The following GABRA2 variants were observed in gnomAD, a reference collection of about 807,000 sequenced individuals.
The protein encoded by GABRA2 is gamma-aminobutyric acid type A receptor subunit alpha2.
In GABRA2, 16 loss-of-function variants were observed where a neutral mutation model predicts 48.7. The ratio of observed to expected loss-of-function variants is 0.33; its 90% CI spans 0.22 to 0.50. The LOEUF is 0.50. GABRA2 is among the 20% of genes least tolerant of loss of function. The pLI is 0.98. For missense variants in GABRA2, 275 were observed against 535.6 expected (o/e 0.51, Z 4.80); for synonymous variants, 185 against 184.5 (o/e 1.00, Z -0.02).
Position 46,246,956 on chromosome 4 carries a change from A to C in GABRA2, c.*3352T>G, listed in dbSNP as rs955371107. On this transcript the variant is annotated 3_prime_UTR_variant, in exon 10 of 10. Transcript: ENST00000381620. ...CTGGAATCCATGATTATATCATGGC[A>C]GGGTTTGTGTCCCTCAACCAGGAAT... Among the ~76,000 whole-genome samples the C allele has an allele frequency of 1.7e-4, 26 of 151,192 alleles. No homozygotes were observed. The highest frequency in any genetic ancestry group is 5.8e-4 in the African/African-American group (24 of 41,334).
intron 4 of GABRA2, among the ~76,000 whole-genome samples, chr4:46,318,622 A>C (rs2109735560): frequency 6.6e-6 from 1 of 151,860 alleles, no homozygotes; most frequent in East Asian, 1.9e-4. Flanking sequence ...GTGTTTTATA[A>C]GAAATTTACC....
Position 46,247,936 on chromosome 4 carries a change from T to C in GABRA2, c.*2372A>G, listed in dbSNP as rs540820704. On this transcript the variant is annotated 3_prime_UTR_variant, in exon 10 of 10. Transcript: ENST00000381620. ...TTCTGATCCCTAGCACTGAAAAATC[T>C]GAACTGCCAGAATGTCATTGCACTC... Among the ~76,000 whole-genome samples the C allele has an allele frequency of 2.8e-4, 42 of 151,336 alleles. 1 individual carries two copies. The highest frequency in any genetic ancestry group is 9.6e-4 in the African/African-American group (40 of 41,466).
At chr4:46,252,208 C>T (rs1480034332) in intron 9 of GABRA2, among the ~76,000 whole-genome samples, 4 of 151,462 alleles carry the variant, frequency 2.6e-5, no homozygotes, top group Non-Finnish European at 5.9e-5. Flanking sequence ...CCCCTGCTGA[C>T]ATTCTTCCAG....
intron 8 of GABRA2, among the ~76,000 whole-genome samples, chr4:46,299,554 A>G (rs557171598): frequency 3.3e-5 from 5 of 152,012 alleles, no homozygotes; most frequent in African/African-American, 1.2e-4. Context: ...TAAAAAGCAT[A>G]TTTCCAAGAT....
At chr4:46,297,135 G>C (rs73131384) in intron 8 of GABRA2, among the ~76,000 whole-genome samples, 12,661 of 152,064 alleles carry the variant, frequency 0.083, 1,733 homozygotes, top group African/African-American at 0.29. Flanking sequence ...AGGATGCAAA[G>C]TATTGATCCT....
chr4:46,284,896 CAGG>C (rs950037528), intron 8 of GABRA2, among the ~76,000 whole-genome samples: 2 of 151,646 alleles, frequency 1.3e-5, no homozygotes, highest in African/African-American at 4.8e-5. Context: ...AGGGGAAGTG[CAGG>C]AGATTTAATT....
In GABRA2 at chr4:46,246,102, A is replaced by G. The variant is rs1355359569; in HGVS notation, c.*4206T>C. On this transcript the variant is annotated 3_prime_UTR_variant, in exon 10 of 10. Transcript: ENST00000381620. ...CTTTAGTATTTTAGTTATGATGCTT[A>G]CTATGATAGAATAACGACTCTTAAA... 1.3e-5 allele frequency among the ~76,000 whole-genome samples: 2 copies of G among 151,072 alleles called. No individual in the cohort carries two copies. Among genetic ancestry groups the G allele is most frequent in the African/African-American group, 4.8e-5 (2 of 41,344 alleles).
chr4:46,339,089 T>C (rs17537359), intron 3 of GABRA2, among the ~76,000 whole-genome samples: 4,932 of 151,970 alleles, frequency 0.032, 124 homozygotes, highest in Non-Finnish European at 0.054. Flanking sequence ...CATTCTGTCT[T>C]AAACTACAAC....
chr4:46,387,176 T>C (rs1476708471), intron 2 of GABRA2, among the ~76,000 whole-genome samples: 1 of 152,108 alleles, frequency 6.6e-6, no homozygotes, highest in Admixed American at 6.6e-5. Flanking sequence ...TAGAATACAA[T>C]ACTGGCATAA....
chr4:46,322,650 A>G (rs1729654697), intron 4 of GABRA2, among the ~76,000 whole-genome samples: 1 of 152,034 alleles, frequency 6.6e-6, no homozygotes, highest in South Asian at 2.1e-4. Flanking sequence ...CACCTTCTTC[A>G]ATGCTGTGTC....
At chr4:46,291,776 C>CACATATATATAT (rs1553906974) in intron 8 of GABRA2, among the ~76,000 whole-genome samples, 31 of 144,752 alleles carry the variant, frequency 2.1e-4, no homozygotes, top group Admixed American at 7.7e-4. Context: ...TAAACACACA[C>CACATATATATAT]ATATATATAT....
At chr4:46,365,334 G>A (rs1461993113) in intron 3 of GABRA2, 3 of 152,026 alleles carry the variant, frequency 2.0e-5, no homozygotes, top group African/African-American at 7.2e-5. Flanking sequence ...TCTACTTAAA[G>A]GGCATCCCAC....
intron 3 of GABRA2, among the ~76,000 whole-genome samples, chr4:46,339,047 G>A (rs1215652332): frequency 1.3e-5 from 2 of 151,832 alleles, no homozygotes; most frequent in African/African-American, 4.8e-5. Context: ...ATATAGCAAT[G>A]AGTAAGTGAG....
chr4:46,309,084 T>C (rs1048145284), intron 6 of GABRA2, among the ~76,000 whole-genome samples: 1 of 152,160 alleles, frequency 6.6e-6, no homozygotes, highest in Non-Finnish European at 1.5e-5. Context: ...ATACTGAAGT[T>C]ATGGTTTCCA....
At chr4:46,256,285 A>G (rs1185281113) in intron 9 of GABRA2, 3 of 696,664 alleles carry the variant, frequency 4.3e-6, no homozygotes, top group Admixed American at 2.0e-5. Context: ...AGAAAGCTAT[A>G]TACTTGGACC....
At position 46,348,196 on chromosome 4, in the gene GABRA2, A is replaced by G. The variant is rs557450677; in HGVS notation, c.188-15514T>C. Among the ~76,000 whole-genome samples, 9 of 152,270 alleles carry G rather than the reference A, an allele frequency of 5.9e-5. No individual in the cohort carries two copies. In the East Asian group the frequency reaches 1.5e-3, roughly 26 times the overall value. On this transcript the variant is annotated intron_variant, in intron 3 of 9. Coordinates refer to ENST00000381620, the MANE Select transcript of GABRA2 (RefSeq NM_000807.4). ...AAAATGCTCATCATCACTGGCCATCAGAGAAATGCAAATCAAAACCACAAT... is the reference window on the plus strand; with the variant it reads ...AAAATGCTCATCATCACTGGCCATCGGAGAAATGCAAATCAAAACCACAAT...
intron 3 of GABRA2, among the ~76,000 whole-genome samples, chr4:46,378,224 A>G (rs1716229194): frequency 6.6e-6 from 1 of 152,170 alleles, no homozygotes; most frequent in African/African-American, 2.4e-5. Flanking sequence ...AAAGGGGGGA[A>G]GGGTGGGGAA....
chr4:46,279,748 G>T (rs1204703848), intron 8 of GABRA2, among the ~76,000 whole-genome samples: 1 of 151,970 alleles, frequency 6.6e-6, no homozygotes, highest in Non-Finnish European at 1.5e-5. Context: ...TTGCTATTAT[G>T]CAGGAAACTT....
In GABRA2 at chr4:46,255,169, C is replaced by A. The variant is rs137967077; in HGVS notation, c.1060-4565G>T. 1.3e-3 allele frequency among the ~76,000 whole-genome samples: 198 copies of A among 151,658 alleles called. 1 individual carries two copies. The highest frequency in any genetic ancestry group is 4.6e-3 in the African/African-American group (189 of 41,454). On this transcript the variant is annotated intron_variant, in intron 9 of 9. Coordinates refer to ENST00000381620, the MANE Select transcript of GABRA2 (RefSeq NM_000807.4). ...GGCACAGACTGTGTATTGCAGAGTTCCTAGCATAGTTCCTGGCTCAGAGCA... is the reference window on the plus strand; with the variant it reads ...GGCACAGACTGTGTATTGCAGAGTTACTAGCATAGTTCCTGGCTCAGAGCA...
Sources: allele counts gnomAD v4.1 joint callset (sites outside exome capture counted in the v4.1 genomes callset), GRCh38; gene constraint gnomAD v4.1.1; transcripts MANE v1.5; gene names NCBI Gene and HGNC (gene_info 2026-07-23, HGNC 2026-07-21).